Variants in FRMD6 observed in about 807,000 individuals in gnomAD.
FRMD6 encodes FERM domain containing 6, also known as FERM domain-containing protein 6.
In FRMD6, 37 loss-of-function variants were observed where a neutral mutation model predicts 73.2. The ratio of observed to expected loss-of-function variants is 0.51; its 90% CI spans 0.39 to 0.66. The LOEUF is 0.66. Among genes scored for constraint, FRMD6 ranks in the 30% least tolerant of loss-of-function variants. The pLI, the probability that FRMD6 is intolerant of heterozygous loss-of-function variation, is 0.00. For synonymous variants in FRMD6, 273 were observed against 282.2 expected, an observed-to-expected ratio of 0.97 and a Z score of 0.33; for missense variants, 714 against 780.5, an observed-to-expected ratio of 0.91 and a Z score of 1.02.
intron 2 of FRMD6, among the ~76,000 whole-genome samples, chr14:51,628,176 G>A (rs1891186600): frequency 6.6e-6 from 1 of 152,032 alleles, no homozygotes; most frequent in African/African-American, 2.4e-5. Context: ...CTGTATTTGA[G>A]CTAAAAAAAC....
intron 1 of FRMD6, among the ~76,000 whole-genome samples, chr14:51,569,115 G>C (rs910575446): frequency 6.6e-6 from 1 of 152,038 alleles, no homozygotes; most frequent in Non-Finnish European, 1.5e-5. Flanking sequence ...CAAAATGCTG[G>C]GATTACAGGC....
At chr14:51,471,099 G>T in the FRMD6 span, among the ~76,000 whole-genome samples, 1 of 152,136 alleles carries the variant, frequency 6.6e-6, no homozygotes, top group Non-Finnish European at 1.5e-5. Context: ...AAAATCACCT[G>T]ATATAATTGT....
At chr14:51,476,403 A>T in the FRMD6 span, among the ~76,000 whole-genome samples, 1 of 152,186 alleles carries the variant, frequency 6.6e-6, no homozygotes, top group Non-Finnish European at 1.5e-5. Context: ...CCCCAACCTA[A>T]TGCTGAGACA....
At chr14:51,596,563 C>T (rs1362376504) in intron 2 of FRMD6, among the ~76,000 whole-genome samples, 1 of 152,096 alleles carries the variant, frequency 6.6e-6, no homozygotes, top group African/African-American at 2.4e-5. Flanking sequence ...GGCTGAGTGT[C>T]ATCAATAATG....
chr14:51,541,525 A>G (rs1443922593), intron 1 of FRMD6, among the ~76,000 whole-genome samples: 1 of 152,074 alleles, frequency 6.6e-6, no homozygotes, highest in Non-Finnish European at 1.5e-5. Flanking sequence ...GGGTAGGGTA[A>G]GGAGGTGGAA....
chr14:51,711,492 T>A lies in FRMD6; in HGVS notation c.715-39T>A. On this transcript the variant is annotated intron_variant, in intron 7 of 13. Transcript: ENST00000344768. Reference sequence around the variant, plus strand: ...AATTGTCCACTGTAGAAAAAATATATAAAAACATTTAATTTTTTATAAAAT... The same window carrying A: ...AATTGTCCACTGTAGAAAAAATATAAAAAAACATTTAATTTTTTATAAAAT... 2.2e-6 allele frequency: 3 copies of A among 1,380,580 alleles called. 1 individual carries two copies. In the South Asian group the frequency reaches 3.8e-5, roughly 18 times the overall value. 85.5% of individuals were successfully genotyped at this position (1,380,580 alleles called of 1,614,324 possible).
At chr14:51,713,490 T>C (rs1243799883) in intron 9 of FRMD6, among the ~76,000 whole-genome samples, 2 of 151,884 alleles carry the variant, frequency 1.3e-5, no homozygotes, top group Non-Finnish European at 2.9e-5. Flanking sequence ...GTAGTTCTGC[T>C]TTGTTCAGAA....
intron 1 of FRMD6, among the ~76,000 whole-genome samples, chr14:51,546,464 G>C (rs1262887867): frequency 7.2e-6 from 1 of 139,246 alleles, no homozygotes; most frequent in Non-Finnish European, 1.5e-5. Context: ...ATCTGGCTTT[G>C]GCCACACATC....
At chr14:51,652,372 T>G (rs1892479340) in intron 1 of FRMD6, among the ~76,000 whole-genome samples, 1 of 152,156 alleles carries the variant, frequency 6.6e-6, no homozygotes, top group Admixed American at 6.5e-5. Flanking sequence ...ACTGCGCGCC[T>G]GGGCTCCGTG....
chr14:51,492,644 T>TA (rs1883081344), intron 1 of FRMD6, among the ~76,000 whole-genome samples: 1 of 152,144 alleles, frequency 6.6e-6, no homozygotes, highest in African/African-American at 2.4e-5. Flanking sequence ...TTTGAATTTT[T>TA]AAAAAAAGAG....
intron 1 of FRMD6, among the ~76,000 whole-genome samples, chr14:51,663,595 C>T (rs1384920700): frequency 6.6e-6 from 1 of 152,028 alleles, no homozygotes; most frequent in Non-Finnish European, 1.5e-5. Context: ...TACACTGGGG[C>T]TTACCAGAGG....
chr14:51,451,194 G>T, the FRMD6 span, among the ~76,000 whole-genome samples: 1 of 152,222 alleles, frequency 6.6e-6, no homozygotes, highest in Admixed American at 6.5e-5. Flanking sequence ...TGACACAGGT[G>T]AGGCCAGGGA....
intron 2 of FRMD6, chr14:51,643,656 C>T (rs1436080900): frequency 6.6e-6 from 1 of 152,152 alleles, no homozygotes; most frequent in Non-Finnish European, 1.5e-5. Context: ...GACTGAAAGT[C>T]TAGGGGGAGA....
At chr14:51,480,828 A>G in the FRMD6 span, among the ~76,000 whole-genome samples, 7,382 of 152,258 alleles carry the variant, frequency 0.048, 238 homozygotes, top group East Asian at 0.17. Flanking sequence ...CAAATATTAG[A>G]TATTACCTGG....
chr14:51,532,369 A>AC (rs1885641488), intron 1 of FRMD6, among the ~76,000 whole-genome samples: 1 of 28,452 alleles, frequency 3.5e-5, no homozygotes. Context: ...ACTCCATCTC[A>AC]AAAAAAAAAA....
upstream of FRMD6, among the ~76,000 whole-genome samples, chr14:51,484,701 G>A (rs1235878307): frequency 2.6e-5 from 4 of 152,186 alleles, no homozygotes; most frequent in African/African-American, 7.2e-5. Flanking sequence ...ATCAAACCCC[G>A]GCTGGAAGAG....
chr14:51,525,834 A>T (rs573976165), intron 1 of FRMD6, among the ~76,000 whole-genome samples: 2 of 152,288 alleles, frequency 1.3e-5, no homozygotes, highest in Admixed American at 1.3e-4. Flanking sequence ...AGGTCACATG[A>T]GTCACTTGAG....
intron 1 of FRMD6, among the ~76,000 whole-genome samples, chr14:51,673,097 A>T (rs1894135255): frequency 6.6e-6 from 1 of 152,100 alleles, no homozygotes; most frequent in African/African-American, 2.4e-5. Context: ...CTGAAGCTTT[A>T]CTTGGCCTAC....
the FRMD6 span, among the ~76,000 whole-genome samples, chr14:51,430,421 A>T: frequency 6.6e-6 from 1 of 152,132 alleles, no homozygotes; most frequent in Non-Finnish European, 1.5e-5. Flanking sequence ...GATCTAACCC[A>T]CTGCTGTTAA....
Sources: allele counts gnomAD v4.1 joint callset (sites outside exome capture counted in the v4.1 genomes callset), GRCh38; gene constraint gnomAD v4.1.1; transcripts MANE v1.5; gene names NCBI Gene and HGNC (gene_info 2026-07-23, HGNC 2026-07-21).